TOX: variants seen among roughly 807,000 people sequenced by gnomAD.
TOX encodes thymocyte selection-associated high mobility group box protein TOX.
TOX carries 11 observed loss-of-function variants against 53.7 expected under a neutral mutation model. The observed-to-expected ratio is 0.20, with a 90% CI of 0.13 to 0.34. The LOEUF (loss-of-function observed/expected upper bound fraction) is 0.34, where lower values mean the gene tolerates loss of function less well. TOX is among the 10% of genes least tolerant of loss of function. The probability of loss-of-function intolerance (pLI) is 1.00; values close to 1 mark genes in which losing one functional copy is unlikely to be tolerated. For missense variants in TOX, 570 were observed against 664.6 expected, an observed-to-expected ratio of 0.86 and a Z score of 1.56; for synonymous variants, 225 against 245.3, an observed-to-expected ratio of 0.92 and a Z score of 0.77.
intron 3 of TOX, among the ~76,000 whole-genome samples, chr8:58,877,850 C>T (rs781276222): frequency 4.9e-5 from 7 of 141,618 alleles, no homozygotes; most frequent in Non-Finnish European, 6.0e-5. Context: ...TGGAGAAAGC[C>T]TACATATTAA....
At chr8:58,915,671 C>T (rs1455683060) in intron 3 of TOX, among the ~76,000 whole-genome samples, 1 of 150,394 alleles carries the variant, frequency 6.6e-6, no homozygotes, top group East Asian at 2.0e-4. Flanking sequence ...GAACGCAGTT[C>T]CTCACCAGCA....
intron 3 of TOX, among the ~76,000 whole-genome samples, chr8:58,853,944 TG>T (rs1810867579): frequency 6.6e-6 from 1 of 152,204 alleles, no homozygotes; most frequent in African/African-American, 2.4e-5. Context: ...TCAGGCCTAC[TG>T]TCAAATGTCC....
chr8:58,957,513 G>C (rs1812731202), intron 2 of TOX, among the ~76,000 whole-genome samples: 1 of 152,212 alleles, frequency 6.6e-6, no homozygotes, highest in South Asian at 2.1e-4. Context: ...CTTTGGGACT[G>C]TCTAAAAGAA....
chr8:59,037,659 G>A (rs1035837861), intron 1 of TOX, among the ~76,000 whole-genome samples: 7 of 151,760 alleles, frequency 4.6e-5, no homozygotes, highest in East Asian at 3.9e-4. Flanking sequence ...AAAATTAGCC[G>A]GCCGTGGTGG....
chr8:59,112,432 A>G (rs1422961877), intron 1 of TOX, among the ~76,000 whole-genome samples: 1 of 152,224 alleles, frequency 6.6e-6, no homozygotes, highest in Non-Finnish European at 1.5e-5. Context: ...AAGGTTTAAA[A>G]CAAAAAATTC....
intron 3 of TOX, among the ~76,000 whole-genome samples, chr8:58,929,871 T>A (rs1316285710): frequency 6.6e-6 from 1 of 152,184 alleles, no homozygotes; most frequent in Non-Finnish European, 1.5e-5. Flanking sequence ...AATATACTCC[T>A]TTAGAAGTCT....
At chr8:59,106,236 T>C (rs1190676955) in intron 1 of TOX, among the ~76,000 whole-genome samples, 12 of 151,480 alleles carry the variant, frequency 7.9e-5, no homozygotes, top group Admixed American at 2.6e-4. Context: ...TTGCAAGTTA[T>C]AGAAAGGCAA....
At chr8:58,981,593 T>C (rs1813206942) in intron 1 of TOX, among the ~76,000 whole-genome samples, 1 of 152,158 alleles carries the variant, frequency 6.6e-6, no homozygotes, top group African/African-American at 2.4e-5. Flanking sequence ...CTGCTCATCT[T>C]TTCCGTTGAG....
chr8:58,966,664 T>C (rs1291727622), intron 1 of TOX, among the ~76,000 whole-genome samples: 1 of 152,166 alleles, frequency 6.6e-6, no homozygotes, highest in Non-Finnish European at 1.5e-5. Context: ...ATATTCTTTT[T>C]GTTAACTGTG....
Position 58,807,632 on chromosome 8 carries a change from T to A in TOX, c.*115A>T, listed in dbSNP as rs1025140940. 6.5e-6 allele frequency: 8 copies of A among 1,226,562 alleles called. No homozygotes were observed. The African/African-American group carries it at 1.2e-4, about 18-fold the overall frequency. 76.0% of individuals were successfully genotyped at this position (1,226,562 alleles called of 1,614,324 possible). ...ACCCACAAGCTCAAATGGTCCTAAG[T>A]GCTTAGCAACTTGTATTTTCTAATA... is the stretch of plus-strand genomic sequence containing the variant. On this transcript the variant is annotated 3_prime_UTR_variant, in exon 9 of 9. Coordinates refer to ENST00000361421, the MANE Select transcript of TOX (RefSeq NM_014729.3).
intron 5 of TOX, among the ~76,000 whole-genome samples, chr8:58,834,307 C>A (rs773943843): frequency 1.3e-3 from 203 of 152,104 alleles, no homozygotes; most frequent in Non-Finnish European, 7.9e-4. Context: ...AAATCTTAGC[C>A]TTCCACCGGA....
chr8:59,054,437 T>TA (rs1803848864), intron 1 of TOX, among the ~76,000 whole-genome samples: 1 of 152,184 alleles, frequency 6.6e-6, no homozygotes, highest in African/African-American at 2.4e-5. Flanking sequence ...AATCTATCCT[T>TA]AGAGTTGTGA....
intron 1 of TOX, among the ~76,000 whole-genome samples, chr8:59,049,530 G>T (rs1172279026): frequency 1.3e-5 from 2 of 152,064 alleles, no homozygotes; most frequent in East Asian, 3.9e-4. Context: ...TTAGAAACTG[G>T]ATTTTTTTTC....
chr8:59,027,944 T>G (rs1814276327), intron 1 of TOX, among the ~76,000 whole-genome samples: 1 of 152,170 alleles, frequency 6.6e-6, no homozygotes, highest in Admixed American at 6.5e-5. Context: ...ATATCCCATG[T>G]GAATTATTAG....
At chr8:59,006,796 T>C (rs1813798401) in intron 1 of TOX, among the ~76,000 whole-genome samples, 1 of 152,124 alleles carries the variant, frequency 6.6e-6, no homozygotes. Context: ...ATTTAGAAAA[T>C]AAATGGGATC....
At chr8:59,083,692 C>T (rs1197038541) in intron 1 of TOX, among the ~76,000 whole-genome samples, 1 of 152,162 alleles carries the variant, frequency 6.6e-6, no homozygotes, top group African/African-American at 2.4e-5. Flanking sequence ...GCCAGCCCTG[C>T]TACTGACAAT....
chr8:58,838,344 G>T (rs1208147086), intron 4 of TOX, 33 bp from the exon 5 acceptor site: 2 of 1,567,566 alleles, frequency 1.3e-6, no homozygotes, highest in South Asian at 1.1e-5. Flanking sequence ...ATTATAGGGG[G>T]ACTGAGACAA....
At chr8:58,856,856 A>C (rs1458924294) in intron 3 of TOX, among the ~76,000 whole-genome samples, 1 of 152,114 alleles carries the variant, frequency 6.6e-6, no homozygotes. Context: ...TGAAGGCACA[A>C]GAAAGGAGGC....
intron 1 of TOX, among the ~76,000 whole-genome samples, chr8:59,022,030 A>G (rs1311920973): frequency 6.6e-6 from 1 of 152,200 alleles, no homozygotes; most frequent in African/African-American, 2.4e-5. Context: ...GGATTATTAC[A>G]GAAACCATTT....
Sources: gnomAD v4.1 joint callset for allele counts (sites outside exome capture counted in the v4.1 genomes callset) on GRCh38, gnomAD v4.1.1 for gene constraint, MANE v1.5 for transcripts, NCBI Gene and HGNC (gene_info 2026-07-23, HGNC 2026-07-21) for gene names.